NEDD4L: variants seen among roughly 807,000 people sequenced by gnomAD.
NEDD4L encodes the protein NEDD4 like E3 ubiquitin protein ligase, also known as E3 ubiquitin-protein ligase NEDD4-like.
Under a neutral mutation model 148.9 loss-of-function variants are expected in NEDD4L, and 54 were observed. That is an observed-to-expected ratio of 0.36 (90% confidence interval 0.29 to 0.45). The LOEUF (loss-of-function observed/expected upper bound fraction) is 0.45. Among genes scored for constraint, NEDD4L ranks in the 20% least tolerant of loss-of-function variants. The probability of loss-of-function intolerance (pLI) is 1.00; values close to 1 mark genes in which losing one functional copy is unlikely to be tolerated. For missense variants in NEDD4L, 856 were observed against 1,233.8 expected (o/e 0.69, Z 4.59); for synonymous variants, 433 against 440.7 (o/e 0.98, Z 0.22).
chr18:58,206,511 A>G (rs975593427), intron 2 of NEDD4L, among the ~76,000 whole-genome samples: 2 of 152,192 alleles, frequency 1.3e-5, no homozygotes, highest in African/African-American at 4.8e-5. Context: ...TAACCAGTTT[A>G]TGGATCTGTG....
intron 23 of NEDD4L, chr18:58,371,909 T>C (rs1391040324): frequency 6.6e-6 from 1 of 152,142 alleles, no homozygotes; most frequent in Admixed American, 6.5e-5. Flanking sequence ...CGTGTATTAT[T>C]TTTACCCTCT....
At position 58,361,571 on chromosome 18, in the gene NEDD4L, G is replaced by A. The variant is rs577575449; in HGVS notation, c.1768-2697G>A. On this transcript the variant is annotated intron_variant, in intron 19 of 30. Transcript: ENST00000400345. ...ATTCTGTTGCTGACAGTCCTTGCAAGGGTCAGAATCAGGACCGGAGCCCCA... is the reference window on the plus strand; with the variant it reads ...ATTCTGTTGCTGACAGTCCTTGCAAAGGTCAGAATCAGGACCGGAGCCCCA... Among the ~76,000 whole-genome samples the A allele has an allele frequency of 2.6e-5, 4 of 152,324 alleles. No homozygotes were observed. In the South Asian group the frequency reaches 8.3e-4, roughly 32 times the overall value.
intron 25 of NEDD4L, among the ~76,000 whole-genome samples, chr18:58,384,081 G>A (rs1007012207): frequency 3.3e-5 from 5 of 152,086 alleles, no homozygotes; most frequent in African/African-American, 4.8e-5. Context: ...TGAGTTCCTC[G>A]TTTGCATTCA....
chr18:58,351,008 A>G lies in NEDD4L; in HGVS notation c.1671A>G (p.Arg557=). ...GATACTAGCCTGGCTGGGAAGAAAG[A>G]ATTCACTTGGATGGCCGAACGTTTT... The part of the protein sequence containing the change: ...LGPLPPGWEE[R]IHLDGRTFYI... Residue 557 remains arginine, a synonymous_variant, in exon 18 of 31, where the codon AGA becomes AGG. Coordinates refer to ENST00000400345, the MANE Select transcript of NEDD4L (RefSeq NM_001144967.3). 6.3e-7 allele frequency: 1 copy of G among 1,594,090 alleles called. No individual in the cohort carries two copies. The highest frequency in any genetic ancestry group is 8.6e-7 in the Non-Finnish European group (1 of 1,169,468).
intron 18 of NEDD4L, among the ~76,000 whole-genome samples, chr18:58,351,666 T>C (rs2043904422): frequency 6.6e-6 from 1 of 152,236 alleles, no homozygotes; most frequent in South Asian, 2.1e-4. Context: ...GATTTTTTTT[T>C]TCTCATTCTT....
At chr18:58,154,083 A>C (rs967101830) in intron 1 of NEDD4L, among the ~76,000 whole-genome samples, 2 of 152,280 alleles carry the variant, frequency 1.3e-5, no homozygotes, top group Non-Finnish European at 2.9e-5. Flanking sequence ...TCGATAAAAA[A>C]TGAATAAAAT....
intron 16 of NEDD4L, among the ~76,000 whole-genome samples, chr18:58,348,371 G>T (rs572663862): frequency 9.2e-6 from 1 of 108,564 alleles, no homozygotes; most frequent in African/African-American, 3.7e-5. Flanking sequence ...TCACTCTGTT[G>T]CCCAGCCTGG....
intron 5 of NEDD4L, among the ~76,000 whole-genome samples, chr18:58,295,168 C>CTG (rs1204494890): frequency 1.3e-5 from 2 of 152,176 alleles, no homozygotes; most frequent in Non-Finnish European, 2.9e-5. Context: ...GTTGTACATG[C>CTG]TGTGGGTTTG....
intron 19 of NEDD4L, among the ~76,000 whole-genome samples, chr18:58,363,085 A>C (rs149413760): frequency 6.6e-6 from 1 of 152,370 alleles, no homozygotes; most frequent in East Asian, 1.9e-4. Flanking sequence ...CTCCTAAGCT[A>C]TATAAAGATG....
chr18:58,394,074 G>A lies in NEDD4L; in HGVS notation c.2826-2093G>A, dbSNP rs116079016. Among the ~76,000 whole-genome samples the A allele has an allele frequency of 1.4e-3, 215 of 152,316 alleles. 2 individuals are homozygous for A. The highest frequency in any genetic ancestry group is 4.8e-3 in the African/African-American group (201 of 41,564). ...CGTGAGGACGCTGAAGCCCTGTGAG[G>A]ACAATGAGCTCCTTAAAGTCACCCA... On this transcript the variant is annotated intron_variant, in intron 30 of 30. Coordinates refer to ENST00000400345, the MANE Select transcript of NEDD4L (RefSeq NM_001144967.3).
chr18:58,176,009 G>A (rs943938171), intron 2 of NEDD4L, among the ~76,000 whole-genome samples: 14 of 152,190 alleles, frequency 9.2e-5, no homozygotes, highest in Non-Finnish European at 2.1e-4. Flanking sequence ...TATAGCCATC[G>A]CCACAATAAT....
At position 58,339,057 on chromosome 18, in the gene NEDD4L, A is replaced by G. The variant is rs2145072379; in HGVS notation, c.1126-1981A>G. On this transcript the variant is annotated intron_variant, in intron 13 of 30. Coordinates refer to ENST00000400345, the MANE Select transcript of NEDD4L (RefSeq NM_001144967.3). ...TCCTTTCCAGAGATTGAGTAACTGCAAAAATATCCTTAAGGTTTCCAGAGC... is the reference window on the plus strand; with the variant it reads ...TCCTTTCCAGAGATTGAGTAACTGCGAAAATATCCTTAAGGTTTCCAGAGC... Among the ~76,000 whole-genome samples, 3 of 152,246 alleles carry G rather than the reference A, an allele frequency of 2.0e-5. No individual in the cohort carries two copies. In the South Asian group the frequency reaches 6.2e-4, roughly 32 times the overall value.
At chr18:58,330,457 C>T (rs912061847) in intron 10 of NEDD4L, among the ~76,000 whole-genome samples, 1 of 152,204 alleles carries the variant, frequency 6.6e-6, no homozygotes, top group Admixed American at 6.5e-5. Context: ...AGAGCACAGC[C>T]TCTGTCTGGA....
intron 13 of NEDD4L, among the ~76,000 whole-genome samples, chr18:58,338,687 G>C (rs1273826084): frequency 1.3e-5 from 2 of 152,138 alleles, no homozygotes; most frequent in Non-Finnish European, 2.9e-5. Flanking sequence ...AGGCTGAAGC[G>C]GGTGGATCAA....
At chr18:58,160,326 C>CT in intron 1 of NEDD4L, among the ~76,000 whole-genome samples, 1 of 152,194 alleles carries the variant, frequency 6.6e-6, no homozygotes, top group East Asian at 1.9e-4. Flanking sequence ...TCACTTATGG[C>CT]TCGGGCACCT....
chr18:58,316,826 C>T (rs1401935849), intron 6 of NEDD4L, among the ~76,000 whole-genome samples: 1 of 152,168 alleles, frequency 6.6e-6, no homozygotes, highest in African/African-American at 2.4e-5. Context: ...AGCACAACGA[C>T]GTGATAGAAG....
intron 24 of NEDD4L, among the ~76,000 whole-genome samples, chr18:58,381,411 T>C (rs1040704521): frequency 6.6e-6 from 1 of 152,154 alleles, no homozygotes; most frequent in Non-Finnish European, 1.5e-5. Context: ...CTCTGGAAAT[T>C]ACAACTTTCA....
intron 2 of NEDD4L, among the ~76,000 whole-genome samples, chr18:58,227,132 C>T (rs2044459062): frequency 6.6e-6 from 1 of 152,146 alleles, no homozygotes; most frequent in Admixed American, 6.5e-5. Context: ...ACACTGTGAA[C>T]TTTAGTAATT....
chr18:58,253,424 T>C (rs1011324513), intron 5 of NEDD4L, among the ~76,000 whole-genome samples: 17 of 152,190 alleles, frequency 1.1e-4, no homozygotes, highest in African/African-American at 2.7e-4. Context: ...GTATGGGATG[T>C]TGGGTGATGA....
Sources: gnomAD v4.1 joint callset for allele counts (sites outside exome capture counted in the v4.1 genomes callset) on GRCh38, gnomAD v4.1.1 for gene constraint, MANE v1.5 for transcripts, NCBI Gene and HGNC (gene_info 2026-07-23, HGNC 2026-07-21) for gene names.